The following BICC1 variants were observed in gnomAD, a reference collection of about 807,000 sequenced individuals.
The protein encoded by BICC1 is protein bicaudal C homolog 1.
In BICC1, 43 loss-of-function variants were observed where a neutral mutation model predicts 111.0. The observed-to-expected ratio is 0.39, with a 90% CI of 0.30 to 0.50. The LOEUF is 0.50. Among genes scored for constraint, BICC1 ranks in the 20% least tolerant of loss-of-function variants. The probability of loss-of-function intolerance (pLI) is 0.88; values close to 1 mark genes in which losing one functional copy is unlikely to be tolerated. For missense variants in BICC1, 1,091 were observed against 1,203.2 expected (o/e 0.91, Z 1.38); for synonymous variants, 467 against 434.4 (o/e 1.07, Z -0.93).
At chr10:58,588,832 T>C (rs1372169307) in intron 1 of BICC1, among the ~76,000 whole-genome samples, 1 of 152,196 alleles carries the variant, frequency 6.6e-6, no homozygotes, top group Non-Finnish European at 1.5e-5. Context: ...TTCATGGCAT[T>C]GGATGGCATA....
chr10:58,713,237 C>G (rs781267912), intron 3 of BICC1, among the ~76,000 whole-genome samples: 2 of 152,140 alleles, frequency 1.3e-5, no homozygotes, highest in African/African-American at 2.4e-5. Context: ...GACTGCTGCT[C>G]TCTGCTTTCT....
At chr10:58,684,553 G>A (rs1035321404) in intron 2 of BICC1, among the ~76,000 whole-genome samples, 2 of 152,036 alleles carry the variant, frequency 1.3e-5, no homozygotes, top group Admixed American at 1.3e-4. Context: ...CAATTTCAGA[G>A]CCTGTTATTA....
intron 20 of BICC1, among the ~76,000 whole-genome samples, chr10:58,824,919 T>G (rs1003427259): frequency 1.3e-5 from 2 of 152,112 alleles, no homozygotes; most frequent in African/African-American, 2.4e-5. Context: ...GGGCGGAGGT[T>G]GATGCATACT....
At chr10:58,812,688 G>C (rs1843949805) in intron 17 of BICC1, among the ~76,000 whole-genome samples, 1 of 151,970 alleles carries the variant, frequency 6.6e-6, no homozygotes. Context: ...ATGTTGGCCA[G>C]GCTGTTCTTA....
intron 1 of BICC1, among the ~76,000 whole-genome samples, chr10:58,534,397 T>C (rs1842773252): frequency 6.6e-6 from 1 of 151,712 alleles, no homozygotes; most frequent in South Asian, 2.1e-4. Flanking sequence ...CAGGAAACAC[T>C]GAACCTGCTC....
At chr10:58,814,230 C>A in intron 18 of BICC1, 2 of 619,638 alleles carry the variant, frequency 3.2e-6, no homozygotes, top group South Asian at 3.9e-5. Context: ...AATTATTTAT[C>A]TACCTATCTG....
chr10:58,587,837 G>GGGGT (rs1232994028), intron 1 of BICC1, among the ~76,000 whole-genome samples: 1 of 152,182 alleles, frequency 6.6e-6, no homozygotes, highest in African/African-American at 2.4e-5. Flanking sequence ...GAGTAACCTA[G>GGGGT]GGGTGTGTTT....
chr10:58,600,977 G>A (rs1845005580), intron 1 of BICC1, among the ~76,000 whole-genome samples: 1 of 151,536 alleles, frequency 6.6e-6, no homozygotes, highest in Non-Finnish European at 1.5e-5. Context: ...ACTTCCAAAG[G>A]TAGTTGCTGA....
chr10:58,639,397 A>AT (rs5785335), intron 2 of BICC1, among the ~76,000 whole-genome samples: 130,966 of 138,660 alleles, frequency 0.94, 62,072 homozygotes, highest in South Asian at 0.99. Context: ...TGCCATTTAA[A>AT]TTTTTTTTTT....
chr10:58,812,107 A>G (rs567653657), intron 17 of BICC1, among the ~76,000 whole-genome samples: 42 of 152,206 alleles, frequency 2.8e-4, no homozygotes, highest in African/African-American at 8.2e-4. Flanking sequence ...TGGAAAATGG[A>G]TTGTAGGGAG....
At position 58,543,069 on chromosome 10, in the gene BICC1, A is replaced by G. The variant is rs564250426; in HGVS notation, c.190+29736A>G. On this transcript the variant is annotated intron_variant, in intron 1 of 20. Coordinates refer to ENST00000373886, the MANE Select transcript of BICC1 (RefSeq NM_001080512.3). Reference sequence around the variant, plus strand: ...ACCCCATGGAGATATGTGCACACCCATTTGCATTGCAGCATTATTTCCAGT... The same window carrying G: ...ACCCCATGGAGATATGTGCACACCCGTTTGCATTGCAGCATTATTTCCAGT... 2.0e-4 allele frequency among the ~76,000 whole-genome samples: 30 copies of G among 152,236 alleles called. 1 individual carries two copies. In the South Asian group the frequency reaches 2.7e-3, roughly 14 times the overall value.
chr10:58,564,712 A>T (rs2131960271), intron 1 of BICC1, among the ~76,000 whole-genome samples: 1 of 152,332 alleles, frequency 6.6e-6, no homozygotes, highest in African/African-American at 2.4e-5. Context: ...ACAGCTTTAT[A>T]AAAAGAGGCT....
chr10:58,694,087 A>G (rs1839997540), intron 2 of BICC1, among the ~76,000 whole-genome samples: 1 of 152,114 alleles, frequency 6.6e-6, no homozygotes. Flanking sequence ...ATCTGGAGTC[A>G]CTCAAATAAT....
chr10:58,751,864 A>C (rs1841999601), intron 3 of BICC1, among the ~76,000 whole-genome samples: 1 of 152,140 alleles, frequency 6.6e-6, no homozygotes, highest in Non-Finnish European at 1.5e-5. Flanking sequence ...ATTTTTAGGG[A>C]ATCTAATGCA....
At chr10:58,760,544 T>G (rs1842283825) in intron 3 of BICC1, among the ~76,000 whole-genome samples, 1 of 152,338 alleles carries the variant, frequency 6.6e-6, no homozygotes, top group East Asian at 1.9e-4. Context: ...GTAAGCAGAC[T>G]TAAATTGTCC....
chr10:58,659,268 A>G (rs1838763531), intron 2 of BICC1, among the ~76,000 whole-genome samples: 1 of 152,238 alleles, frequency 6.6e-6, no homozygotes, highest in Non-Finnish European at 1.5e-5. Flanking sequence ...TCTTTCTACC[A>G]TAAAGATGCA....
At chr10:58,659,642 G>A (rs529578654) in intron 2 of BICC1, among the ~76,000 whole-genome samples, 2 of 151,998 alleles carry the variant, frequency 1.3e-5, no homozygotes, top group Non-Finnish European at 2.9e-5. Flanking sequence ...GAACTTACTG[G>A]TACACGGAAC....
intron 3 of BICC1, among the ~76,000 whole-genome samples, chr10:58,781,566 A>G (rs957948950): frequency 3.9e-5 from 6 of 152,054 alleles, no homozygotes; most frequent in Admixed American, 1.3e-4. Flanking sequence ...CTTATTTCCT[A>G]TTTTTCTGTT....
intron 10 of BICC1, among the ~76,000 whole-genome samples, chr10:58,797,129 T>C (rs959280331): frequency 1.3e-5 from 2 of 152,328 alleles, no homozygotes; most frequent in East Asian, 3.9e-4. Context: ...TTAATAGTCA[T>C]GGTGATATTT....
Sources: gnomAD v4.1 joint callset for allele counts (sites outside exome capture counted in the v4.1 genomes callset) on GRCh38, gnomAD v4.1.1 for gene constraint, MANE v1.5 for transcripts, NCBI Gene and HGNC (gene_info 2026-07-23, HGNC 2026-07-21) for gene names.